SCFD2: variants seen among roughly 807,000 people sequenced by gnomAD.
The protein encoded by SCFD2 is sec1 family domain-containing protein 2.
In SCFD2, 54 loss-of-function variants were observed where a neutral mutation model predicts 58.9. The observed-to-expected ratio is 0.92, with a 90% CI of 0.74 to 1.15. The LOEUF is 1.15. SCFD2 is among the 50% of genes most tolerant of loss of function. SCFD2 has a pLI of 0.00. For missense variants in SCFD2, 805 were observed against 836.6 expected, an observed-to-expected ratio of 0.96 and a Z score of 0.47; for synonymous variants, 321 against 335.9, an observed-to-expected ratio of 0.96 and a Z score of 0.49.
At chr4:53,007,708 C>T (rs1451791193) in intron 5 of SCFD2, among the ~76,000 whole-genome samples, 2 of 152,236 alleles carry the variant, frequency 1.3e-5, no homozygotes, top group Non-Finnish European at 1.5e-5. Context: ...AGTTTGATAA[C>T]TGCTAATTGT....
In SCFD2 at chr4:53,267,876, T is replaced by G. The variant is rs1437295550; in HGVS notation, c.1311+5950A>C. On this transcript the variant is annotated intron_variant, in intron 4 of 8. Transcript: ENST00000401642. ...AATTAATTACAAATAAAAAATGGCT[T>G]AGAATTAATATGTCAAATTTCTTCA... Among the ~76,000 whole-genome samples, 13 of 152,340 alleles carry G rather than the reference T, an allele frequency of 8.5e-5. No individual in the cohort carries two copies. The South Asian group carries it at 1.0e-3, about 12-fold the overall frequency.
chr4:53,215,303 T>G (rs1433745141), intron 4 of SCFD2, among the ~76,000 whole-genome samples: 2 of 152,142 alleles, frequency 1.3e-5, no homozygotes, highest in Non-Finnish European at 2.9e-5. Flanking sequence ...TGTTCTTCCA[T>G]TTGTTTGTAT....
chr4:52,887,153 GT>G (rs147056637), intron 7 of SCFD2, among the ~76,000 whole-genome samples: 1 of 152,310 alleles, frequency 6.6e-6, no homozygotes, highest in African/African-American at 2.4e-5. Context: ...TTAATAAATA[GT>G]TAAAGCTTTA....
chr4:53,309,127 C>T (rs1243668319), intron 3 of SCFD2, among the ~76,000 whole-genome samples: 2 of 148,534 alleles, frequency 1.3e-5, no homozygotes, highest in Non-Finnish European at 3.0e-5. Flanking sequence ...AGCAAGACTT[C>T]GTCTCAAAAA....
chr4:53,133,408 G>A (rs1725850865), intron 5 of SCFD2, among the ~76,000 whole-genome samples: 1 of 151,780 alleles, frequency 6.6e-6, no homozygotes, highest in Non-Finnish European at 1.5e-5. Flanking sequence ...TACAAGGCTG[G>A]AGAAAATTAC....
chr4:53,158,470 G>C (rs1170798133), intron 4 of SCFD2, among the ~76,000 whole-genome samples: 1 of 152,006 alleles, frequency 6.6e-6, no homozygotes, highest in Non-Finnish European at 1.5e-5. Context: ...CTGTTGTGTG[G>C]TACCATCACT....
chr4:52,888,036 G>T (rs1028545888), intron 7 of SCFD2, among the ~76,000 whole-genome samples: 1 of 147,546 alleles, frequency 6.8e-6, no homozygotes, highest in African/African-American at 2.5e-5. Flanking sequence ...TCAGCCTCCC[G>T]AGTAGCTGGG....
chr4:53,305,655 T>A, intron 3 of SCFD2, among the ~76,000 whole-genome samples: 1 of 152,206 alleles, frequency 6.6e-6, no homozygotes, highest in East Asian at 1.9e-4. Flanking sequence ...ATTATCTCAA[T>A]ATGAATTAAT....
chr4:53,313,522 CA>C, intron 3 of SCFD2, 113 bp downstream of exon 3: 1 of 1,209,560 alleles, frequency 8.3e-7, no homozygotes. Flanking sequence ...CAACAGTATA[CA>C]AAAGTCGTTA....
chr4:53,106,407 G>A (rs1725003396), intron 5 of SCFD2, among the ~76,000 whole-genome samples: 1 of 152,106 alleles, frequency 6.6e-6, no homozygotes, highest in Non-Finnish European at 1.5e-5. Context: ...CAGAAGGTGG[G>A]TAATAAGAAA....
intron 5 of SCFD2, among the ~76,000 whole-genome samples, chr4:52,972,084 G>A (rs1214780633): frequency 3.3e-5 from 5 of 152,140 alleles, no homozygotes; most frequent in Non-Finnish European, 7.4e-5. Context: ...AAAGACCATC[G>A]AGGCTAGGAA....
At chr4:52,903,313 C>T (rs1340215018) in intron 7 of SCFD2, among the ~76,000 whole-genome samples, 1 of 152,116 alleles carries the variant, frequency 6.6e-6, no homozygotes, top group Non-Finnish European at 1.5e-5. Context: ...TTGGGGTTAC[C>T]TACAGATGAA....
At chr4:53,263,005 G>C (rs1730872682) in intron 4 of SCFD2, among the ~76,000 whole-genome samples, 1 of 151,916 alleles carries the variant, frequency 6.6e-6, no homozygotes, top group Non-Finnish European at 1.5e-5. Context: ...CCTTGTCCTT[G>C]AGCTCTGAAG....
chr4:52,917,054 C>T (rs1015087724), intron 6 of SCFD2, among the ~76,000 whole-genome samples: 1 of 152,116 alleles, frequency 6.6e-6, no homozygotes, highest in Admixed American at 6.5e-5. Flanking sequence ...CCTGCCACCA[C>T]ACCCACCTAA....
At chr4:52,987,003 T>C (rs1417680723) in intron 5 of SCFD2, among the ~76,000 whole-genome samples, 1 of 152,130 alleles carries the variant, frequency 6.6e-6, no homozygotes, top group Non-Finnish European at 1.5e-5. Context: ...AATTTTTAGT[T>C]GCAAAATAAC....
At chr4:53,078,587 T>A (rs1478132601) in intron 5 of SCFD2, among the ~76,000 whole-genome samples, 2 of 152,184 alleles carry the variant, frequency 1.3e-5, no homozygotes, top group African/African-American at 4.8e-5. Context: ...GCTAGTAATG[T>A]TCTAAGTGGT....
intron 4 of SCFD2, among the ~76,000 whole-genome samples, chr4:53,146,635 C>A (rs541837955): frequency 1.3e-5 from 2 of 152,168 alleles, no homozygotes; most frequent in East Asian, 1.9e-4. Flanking sequence ...AATTAAAAAG[C>A]AAAAGAAGTA....
intron 2 of SCFD2, among the ~76,000 whole-genome samples, chr4:53,317,883 G>A (rs1339583545): frequency 1.3e-5 from 2 of 152,164 alleles, no homozygotes; most frequent in Non-Finnish European, 2.9e-5. Flanking sequence ...AAAGCACCTA[G>A]AACAAATCCT....
At chr4:52,985,428 A>G (rs757123297) in intron 5 of SCFD2, among the ~76,000 whole-genome samples, 3 of 152,176 alleles carry the variant, frequency 2.0e-5, no homozygotes, top group Non-Finnish European at 4.4e-5. Flanking sequence ...GCTAAAATAG[A>G]AGGCTTTCAA....
Sources: allele counts gnomAD v4.1 joint callset (sites outside exome capture counted in the v4.1 genomes callset), GRCh38; gene constraint gnomAD v4.1.1; transcripts MANE v1.5; gene names NCBI Gene and HGNC (gene_info 2026-07-23, HGNC 2026-07-21).